Variants in PCDHGA11 observed in about 807,000 individuals in gnomAD.
The protein encoded by PCDHGA11 is protocadherin gamma-A11.
In PCDHGA11, 39 loss-of-function variants were observed where a neutral mutation model predicts 60.4. That is an observed-to-expected ratio of 0.65 (90% CI 0.50 to 0.84). The LOEUF is 0.84. PCDHGA11 is among the 40% of genes least tolerant of loss of function. The probability of loss-of-function intolerance (pLI) is 0.00; values close to 1 mark genes in which losing one functional copy is unlikely to be tolerated. For synonymous variants in PCDHGA11, 533 were observed against 510.3 expected, an observed-to-expected ratio of 1.04 and a Z score of -0.60; for missense variants, 1,165 against 1,197.7, an observed-to-expected ratio of 0.97 and a Z score of 0.40.
At chr5:141,501,866 C>T (rs1193396289) in intron 2 of PCDHGA11, among the ~76,000 whole-genome samples, 4 of 152,108 alleles carry the variant, frequency 2.6e-5, no homozygotes, top group South Asian at 2.1e-4. Context: ...TTTCCCAGGA[C>T]GCCTCCTTAC....
intron 1 of PCDHGA11, among the ~76,000 whole-genome samples, chr5:141,453,061 T>G (rs1351911724): frequency 6.6e-6 from 1 of 152,102 alleles, no homozygotes; most frequent in Non-Finnish European, 1.5e-5. Context: ...AGTTTTAGAG[T>G]TTTGCCACAC....
chr5:141,455,401 A>G (rs1252870027), intron 1 of PCDHGA11, among the ~76,000 whole-genome samples: 1 of 152,158 alleles, frequency 6.6e-6, no homozygotes, highest in Non-Finnish European at 1.5e-5. Context: ...TCCCCCTTAC[A>G]GAGACAGAGG....
In PCDHGA11 at chr5:141,421,864, C is replaced by T. The variant is rs1561797174; in HGVS notation, c.637C>T (p.Leu213Phe). The T allele has an allele frequency of 1.2e-6, 2 of 1,613,766 alleles. No individual in the cohort carries two copies. Among genetic ancestry groups the T allele is most frequent in the Non-Finnish European group, 1.7e-6 (2 of 1,179,894 alleles). The change falls in exon 1 of 4, where the codon CTC (leucine) becomes TTC (phenylalanine). Residue 213 changes from leucine to phenylalanine, a missense_variant. By Grantham distance (22) the Leu-to-Phe change is conservative (BLOSUM62 0). Transcript: ENST00000398587. ...REKEAAHLLL[L>F]TALDGGDPIR... ...GAAAGAGGCTGCTCACCTGCTCCTC[C>T]TCACAGCTTTAGATGGAGGCGATCC...
chr5:141,433,595 G>C (rs2097629585), intron 1 of PCDHGA11, among the ~76,000 whole-genome samples: 1 of 152,070 alleles, frequency 6.6e-6, no homozygotes, highest in South Asian at 2.1e-4. Context: ...CAGTACTTTG[G>C]GAGGCCGAGG....
intron 1 of PCDHGA11, chr5:141,427,685 C>T: frequency 1.2e-6 from 1 of 852,116 alleles, no homozygotes; most frequent in Non-Finnish European, 1.9e-6. Context: ...TTCCCGGAGC[C>T]TCCATCCCAC....
At chr5:141,502,961 A>G (rs886622146) in intron 2 of PCDHGA11, among the ~76,000 whole-genome samples, 3 of 146,786 alleles carry the variant, frequency 2.0e-5, no homozygotes, top group Non-Finnish European at 4.4e-5. Context: ...CTCCTGCCTC[A>G]GCCTCCCAAG....
chr5:141,432,652 C>T lies in PCDHGA11; in HGVS notation c.2433+8992C>T, dbSNP rs1004936183. On this transcript the variant is annotated intron_variant, in intron 1 of 3. Transcript: ENST00000398587. This position sits in a 1 kb window ranked among gnomAD's most constrained non-coding sequence, Gnocchi z 6.0. ...CGGGCGAGGTGCGCACGGCGCGAGC[C>T]CTGCTGGACAGAGACGCGCTCAAGC... The T allele has an allele frequency of 6.2e-7, 1 of 1,613,836 alleles. No individual in the cohort carries two copies. Among genetic ancestry groups the T allele is most frequent in the East Asian group, 2.2e-5 (1 of 44,860 alleles).
chr5:141,495,103 C>T (rs1383918796), intron 2 of PCDHGA11, among the ~76,000 whole-genome samples: 2 of 152,132 alleles, frequency 1.3e-5, no homozygotes, highest in Non-Finnish European at 2.9e-5. Context: ...TCGCCACGAC[C>T]GGCACCTTTT....
intron 1 of PCDHGA11, chr5:141,478,331 G>C: frequency 6.2e-7 from 1 of 1,613,956 alleles, no homozygotes; most frequent in Non-Finnish European, 8.5e-7. Context: ...CCGAACACCA[G>C]GGCCCTCCTT....
chr5:141,478,221 C>A, intron 1 of PCDHGA11: 1 of 1,614,122 alleles, frequency 6.2e-7, no homozygotes, highest in Non-Finnish European at 8.5e-7. Context: ...ATCCTGGTTT[C>A]TGTGGGGTTT....
At chr5:141,428,091 T>C (rs769710543) in intron 1 of PCDHGA11, 2 of 1,609,000 alleles carry the variant, frequency 1.2e-6, no homozygotes, top group East Asian at 2.2e-5. Flanking sequence ...CGCTTGGCTG[T>C]CCTACCACGT....
At chr5:141,454,320 C>G (rs140074578) in intron 1 of PCDHGA11, among the ~76,000 whole-genome samples, 4 of 152,148 alleles carry the variant, frequency 2.6e-5, no homozygotes, top group Admixed American at 2.6e-4. Context: ...ATTGAAACCT[C>G]CAAGAATAAA....
At chr5:141,460,961 A>ATATGTGTG (rs1463306338) in intron 1 of PCDHGA11, among the ~76,000 whole-genome samples, 3 of 144,556 alleles carry the variant, frequency 2.1e-5, no homozygotes, top group African/African-American at 7.8e-5. Context: ...GTATATATAT[A>ATATGTGTG]TGTGTGTGTG....
chr5:141,482,923 AT>A (rs1193255251), intron 1 of PCDHGA11, among the ~76,000 whole-genome samples: 10 of 152,074 alleles, frequency 6.6e-5, no homozygotes, highest in Non-Finnish European at 1.5e-4. Context: ...AATACAAAAA[AT>A]TAGCCAGGTG....
chr5:141,477,361 G>A lies in PCDHGA11; in HGVS notation c.2434-17446G>A. The A allele has an allele frequency of 6.2e-7, 1 of 1,614,172 alleles. No individual in the cohort carries two copies. The highest frequency in any genetic ancestry group is 8.5e-7 in the Non-Finnish European group (1 of 1,180,032). Reference sequence around the variant, plus strand: ...TCACTTTGAAAACCAGTGCAGACCTGGATCGGGAGACTGTGCCAGAATACA... The same window carrying A: ...TCACTTTGAAAACCAGTGCAGACCTAGATCGGGAGACTGTGCCAGAATACA... On this transcript the variant is annotated intron_variant, in intron 1 of 3. Coordinates refer to ENST00000398587, the MANE Select transcript of PCDHGA11 (RefSeq NM_018914.3). The surrounding 1 kb of genome is among the most constrained non-coding windows in gnomAD (Gnocchi z 4.9).
rs752558543 is a variant in PCDHGA11 at position 141,421,475 on chromosome 5, G to A, written c.248G>A (p.Gly83Asp). The A allele has an allele frequency of 4.3e-6, 7 of 1,614,150 alleles. No individual in the cohort carries two copies. Residue 83 changes from glycine to aspartate, a missense_variant, in exon 1 of 4, where the codon GGC becomes GAC. Gly to Asp is a moderately conservative substitution (Grantham distance 94). Coordinates refer to ENST00000398587, the MANE Select transcript of PCDHGA11 (RefSeq NM_018914.3). ...CTTTTCGCTGTGAATCCGCGAAGCG[G>A]CAGCTTGATCACGGCAGGCAGGATA... is the stretch of plus-strand genomic sequence containing the variant. ...TQLFAVNPRS[G>D]SLITAGRIDR...
In PCDHGA11 at chr5:141,485,251, C is replaced by T. The variant is rs748522322; in HGVS notation, c.2434-9556C>T. 7 of 1,614,092 alleles carry T rather than the reference C, an allele frequency of 4.3e-6. No individual in the cohort carries two copies. In the South Asian group the frequency reaches 6.6e-5, roughly 15 times the overall value. On this transcript the variant is annotated intron_variant, in intron 1 of 3. Transcript: ENST00000398587. This position sits in a 1 kb window ranked among gnomAD's most constrained non-coding sequence, Gnocchi z 5.7. The stretch of plus-strand genomic sequence containing the variant: ...TGTTCCTCTTTTACCACCTGGGTTA[C>T]GTTTGTGGGCAGATCCGCTACCCGG...
chr5:141,461,167 C>T (rs917796588), intron 1 of PCDHGA11, among the ~76,000 whole-genome samples: 2 of 151,968 alleles, frequency 1.3e-5, no homozygotes, highest in Non-Finnish European at 2.9e-5. Context: ...AGTGGGATTG[C>T]TGGATTGAAT....
intron 1 of PCDHGA11, among the ~76,000 whole-genome samples, chr5:141,458,009 G>T (rs1039110082): frequency 2.6e-5 from 4 of 152,142 alleles, no homozygotes; most frequent in Non-Finnish European, 4.4e-5. Context: ...AAAATAACCG[G>T]TTTTTCCAAT....
Sources: gnomAD v4.1 joint callset for allele counts (sites outside exome capture counted in the v4.1 genomes callset) on GRCh38, gnomAD v4.1.1 for gene constraint, Gnocchi (gnomAD v3.1) non-coding constraint, MANE v1.5 for transcripts, NCBI Gene and HGNC (gene_info 2026-07-23, HGNC 2026-07-21) for gene names.